The following CTNNA2 variants were observed in gnomAD, a reference collection of about 807,000 sequenced individuals.
The protein encoded by CTNNA2 is catenin alpha-2.
A neutral mutation model predicts 101.0 loss-of-function variants in CTNNA2; 42 were observed. The ratio of observed to expected loss-of-function variants is 0.42; its 90% confidence interval spans 0.32 to 0.54. The LOEUF (loss-of-function observed/expected upper bound fraction) is 0.54. CTNNA2 is among the 20% of genes least tolerant of loss of function. The pLI is 0.14. For missense variants in CTNNA2, 871 were observed against 1,223.1 expected (o/e 0.71, Z 4.29); for synonymous variants, 450 against 456.4 (o/e 0.99, Z 0.18).
At chr2:80,185,178 T>G (rs1706040675) in intron 7 of CTNNA2, among the ~76,000 whole-genome samples, 1 of 152,126 alleles carries the variant, frequency 6.6e-6, no homozygotes, top group South Asian at 2.1e-4. Flanking sequence ...CCAAGTTAAT[T>G]TGTGTGGTTA....
At chr2:79,861,387 T>G (rs147422146) in intron 4 of CTNNA2, among the ~76,000 whole-genome samples, 142 of 152,294 alleles carry the variant, frequency 9.3e-4, no homozygotes, top group African/African-American at 3.2e-3. Flanking sequence ...TATATTCATG[T>G]TTTTTCATCA....
At chr2:80,554,149 C>T (rs1692820481) in intron 11 of CTNNA2, among the ~76,000 whole-genome samples, 1 of 151,996 alleles carries the variant, frequency 6.6e-6, no homozygotes, top group Admixed American at 6.6e-5. Context: ...TATCCTGTGT[C>T]CTAAAAATAT....
intron 7 of CTNNA2, among the ~76,000 whole-genome samples, chr2:80,050,539 A>C (rs558845095): frequency 1.8e-4 from 27 of 152,288 alleles, no homozygotes; most frequent in African/African-American, 6.5e-4. Flanking sequence ...CTTGCTTCAC[A>C]GTGCTGGGTG....
chr2:80,182,776 G>T (rs1705863594), intron 7 of CTNNA2, among the ~76,000 whole-genome samples: 1 of 152,158 alleles, frequency 6.6e-6, no homozygotes, highest in African/African-American at 2.4e-5. Context: ...GAGGACAGAG[G>T]TTTCCAGGCA....
At chr2:80,537,292 A>T (rs1691127209) in intron 9 of CTNNA2, among the ~76,000 whole-genome samples, 1 of 152,190 alleles carries the variant, frequency 6.6e-6, no homozygotes, top group South Asian at 2.1e-4. Context: ...TCTGTGGTGT[A>T]TATGTGCCAT....
intron 4 of CTNNA2, among the ~76,000 whole-genome samples, chr2:79,409,355 T>C (rs555517834): frequency 6.6e-6 from 1 of 152,320 alleles, no homozygotes; most frequent in East Asian, 1.9e-4. Flanking sequence ...TTTGGTGTTT[T>C]AGACATGAAG....
chr2:79,393,922 T>A (rs183695543), intron 4 of CTNNA2, among the ~76,000 whole-genome samples: 115 of 152,168 alleles, frequency 7.6e-4, no homozygotes, highest in East Asian at 1.9e-4. Flanking sequence ...TCAGGGTCAT[T>A]TAGCTCCTCC....
chr2:79,468,112 G>C (rs558905158), intron 4 of CTNNA2, among the ~76,000 whole-genome samples: 2 of 152,176 alleles, frequency 1.3e-5, no homozygotes, highest in Non-Finnish European at 2.9e-5. Flanking sequence ...AGACCCATCA[G>C]TGTGCTGTAT....
At chr2:79,615,027 T>G (rs1415838479) in intron 1 of CTNNA2, among the ~76,000 whole-genome samples, 2 of 152,194 alleles carry the variant, frequency 1.3e-5, no homozygotes, top group Non-Finnish European at 2.9e-5. Context: ...CAGTGTGTGG[T>G]TGACGAGAGA....
At chr2:79,793,087 G>T (rs1325537105) in intron 3 of CTNNA2, among the ~76,000 whole-genome samples, 1 of 152,126 alleles carries the variant, frequency 6.6e-6, no homozygotes, top group Non-Finnish European at 1.5e-5. Flanking sequence ...CAGAGAATAT[G>T]GGCCTAAGTG....
At chr2:80,257,550 G>A (rs973309904) in intron 7 of CTNNA2, among the ~76,000 whole-genome samples, 2 of 152,204 alleles carry the variant, frequency 1.3e-5, no homozygotes, top group Non-Finnish European at 2.9e-5. Context: ...TGGCCTGGGT[G>A]TAGCCACCCT....
chr2:79,459,077 A>G (rs1275540561), intron 4 of CTNNA2, among the ~76,000 whole-genome samples: 2 of 152,198 alleles, frequency 1.3e-5, no homozygotes, highest in Admixed American at 6.5e-5. Flanking sequence ...AAATATGATT[A>G]CATATGAAGT....
intron 7 of CTNNA2, among the ~76,000 whole-genome samples, chr2:80,024,086 C>G (rs1331513955): frequency 1.3e-5 from 1 of 75,188 alleles, no homozygotes; most frequent in Non-Finnish European, 2.5e-5. Context: ...GACTCCGTCT[C>G]AGAAAAAAAA....
chr2:80,202,371 C>T (rs1423943468), intron 7 of CTNNA2, among the ~76,000 whole-genome samples: 1 of 152,104 alleles, frequency 6.6e-6, no homozygotes, highest in African/African-American at 2.4e-5. Context: ...GTGGTACAGG[C>T]AACCATACAG....
intron 2 of CTNNA2, among the ~76,000 whole-genome samples, chr2:79,692,587 C>A (rs1684377026): frequency 6.6e-6 from 1 of 151,910 alleles, no homozygotes; most frequent in African/African-American, 2.4e-5. Context: ...ATGTTTATTG[C>A]AGCACTGTTC....
intron 7 of CTNNA2, among the ~76,000 whole-genome samples, chr2:80,247,833 G>T (rs1212224853): frequency 6.6e-6 from 1 of 152,090 alleles, no homozygotes; most frequent in Non-Finnish European, 1.5e-5. Flanking sequence ...AAGTCTGAAG[G>T]AAAATGAAAT....
intron 1 of CTNNA2, among the ~76,000 whole-genome samples, chr2:79,611,303 C>T (rs1163862456): frequency 6.6e-6 from 1 of 152,054 alleles, no homozygotes; most frequent in Non-Finnish European, 1.5e-5. Context: ...AGCTGGGCTC[C>T]TATTATGTTA....
chr2:80,206,317 T>G (rs145757581), intron 7 of CTNNA2, among the ~76,000 whole-genome samples: 8 of 152,334 alleles, frequency 5.3e-5, no homozygotes, highest in African/African-American at 1.9e-4. Flanking sequence ...GAATCCTTGA[T>G]TTCAGGCATA....
rs70940064 is a variant in CTNNA2, at chr2:79,982,192, C to CTATATATATA, written c.1056+72435_1056+72444dup. Among the ~76,000 whole-genome samples the CTATATATATA allele has an allele frequency of 3.2e-3, 241 of 74,884 alleles. 2 individuals carry two copies. Among genetic ancestry groups the CTATATATATA allele is most frequent in the Non-Finnish European group, 3.7e-3 (165 of 44,322 alleles). The allele number at this position is 74,884 out of a possible 152,430, so 49.1% of individuals were successfully genotyped here. ...TACCTGAGACCACAGGCATGTGCCACTATATATATATATATATATATATAT... is the reference window on the plus strand; with the variant it reads ...TACCTGAGACCACAGGCATGTGCCACTATATATATATATATATATATATATATATATATAT... On this transcript the variant is annotated intron_variant, in intron 7 of 18. Transcript: ENST00000402739.
Sources: gnomAD v4.1 joint callset for allele counts (sites outside exome capture counted in the v4.1 genomes callset) on GRCh38, gnomAD v4.1.1 for gene constraint, MANE v1.5 for transcripts, NCBI Gene and HGNC (gene_info 2026-07-23, HGNC 2026-07-21) for gene names.